MGA: variants seen among roughly 807,000 people sequenced by gnomAD.
MGA encodes the protein MAX dimerization protein MGA.
In MGA, 40 loss-of-function variants were observed where a neutral mutation model predicts 261.1. The ratio of observed to expected loss-of-function variants is 0.15; its 90% CI spans 0.12 to 0.20. The LOEUF is 0.20. Ranked by LOEUF, MGA falls within the 10% of genes least tolerant of loss-of-function variation. The pLI is 1.00. For missense variants in MGA, 3,397 were observed against 3,630.5 expected (o/e 0.94, Z 1.65); for synonymous variants, 1,302 against 1,290.6 (o/e 1.01, Z -0.19).
intron 9 of MGA, among the ~76,000 whole-genome samples, chr15:41,717,416 G>A (rs1234910596): frequency 1.3e-5 from 2 of 152,080 alleles, no homozygotes; most frequent in Non-Finnish European, 2.9e-5. Flanking sequence ...GGAATAAAGA[G>A]AACATACTAA....
At chr15:41,689,403 CCT>C (rs140930235) in intron 2 of MGA, among the ~76,000 whole-genome samples, 1 of 150,454 alleles carries the variant, frequency 6.6e-6, no homozygotes, top group Non-Finnish European at 1.5e-5. Flanking sequence ...TTTCTCTCTC[CCT>C]CTCTTTCTCC....
At chr15:41,703,043 T>C (rs1417654798) in intron 5 of MGA, among the ~76,000 whole-genome samples, 1 of 152,220 alleles carries the variant, frequency 6.6e-6, no homozygotes, top group Non-Finnish European at 1.5e-5. Flanking sequence ...AGTACTGATA[T>C]ATTACTATTT....
At chr15:41,651,687 CCTCTCTTACCCCTTCCCCT>C (rs1458121262) in intron 1 of MGA, among the ~76,000 whole-genome samples, 27 of 12,556 alleles carry the variant, frequency 2.2e-3, no homozygotes, top group Admixed American at 3.2e-3. Flanking sequence ...CCCCCTTTCC[CCTCTCTTACCCCTTCCCCT>C]CTCTTACCCC....
At chr15:41,706,711 G>A (rs932731411) in intron 5 of MGA, among the ~76,000 whole-genome samples, 3 of 151,370 alleles carry the variant, frequency 2.0e-5, no homozygotes, top group African/African-American at 7.3e-5. Flanking sequence ...CTCCTGAGTA[G>A]CTACAGGCAC....
In MGA at chr15:41,662,229, A is replaced by G. The variant is rs142691437; in HGVS notation, c.-68+1704A>G. On this transcript the variant is annotated intron_variant, in intron 1 of 23. Coordinates refer to ENST00000219905, the MANE Select transcript of MGA (RefSeq NM_001164273.2). ...TTCAGTGCCCTGGGTACCTTGGCATACTTACTTCAAGTTTGACTACTGCCA... is the reference window on the plus strand; with the variant it reads ...TTCAGTGCCCTGGGTACCTTGGCATGCTTACTTCAAGTTTGACTACTGCCA... 7.9e-4 allele frequency among the ~76,000 whole-genome samples: 121 copies of G among 152,262 alleles called. 1 individual carries two copies. Among genetic ancestry groups the G allele is most frequent in the African/African-American group, 2.8e-3 (115 of 41,538 alleles).
chr15:41,674,521 A>AT (rs2058267725), intron 2 of MGA, among the ~76,000 whole-genome samples: 2 of 149,686 alleles, frequency 1.3e-5, no homozygotes, highest in South Asian at 4.3e-4. Context: ...TCTTATTTTT[A>AT]TTTTTATTTT....
At chr15:41,734,441 G>A (rs921073695) in intron 11 of MGA, 81 bp from the exon 12 acceptor site, 76 of 1,083,342 alleles carry the variant, frequency 7.0e-5, no homozygotes, top group Non-Finnish European at 9.9e-5. Context: ...TTCTGTGAGA[G>A]ATTTAATGCT....
chr15:41,667,553 A>C (rs2057820659), intron 1 of MGA, among the ~76,000 whole-genome samples: 3 of 151,724 alleles, frequency 2.0e-5, no homozygotes, highest in Non-Finnish European at 4.4e-5. Flanking sequence ...CGCCGCTATT[A>C]TTTTTTAATA....
intron 16 of MGA, 24 bp downstream of exon 16, chr15:41,748,951 T>G: frequency 6.2e-7 from 1 of 1,605,160 alleles, no homozygotes; most frequent in Non-Finnish European, 8.5e-7. Flanking sequence ...TTTTATGAAC[T>G]TTTCTTTTGT....
chr15:41,755,264 A>C (rs1412633762), intron 18 of MGA, among the ~76,000 whole-genome samples: 2 of 152,234 alleles, frequency 1.3e-5, no homozygotes, highest in Non-Finnish European at 2.9e-5. Flanking sequence ...ATGATATGAA[A>C]GTAGCTATGA....
Position 41,767,337 on chromosome 15 carries a change from T to C in MGA, c.*57T>C, listed in dbSNP as rs892978859. 63 of 1,507,652 alleles carry C rather than the reference T, an allele frequency of 4.2e-5. No individual in the cohort carries two copies. Among genetic ancestry groups the C allele is most frequent in the Admixed American group, 3.5e-4 (18 of 51,916 alleles). The allele number at this position is 1,507,652 out of a possible 1,614,324, so 93.4% of individuals were successfully genotyped here. A position where few individuals can be genotyped will look rare whatever the true frequency, so the allele number is the denominator to read the frequency against. On this transcript the variant is annotated 3_prime_UTR_variant, in exon 24 of 24. Transcript: ENST00000219905. Reference sequence around the variant, plus strand: ...TGAGGGGAAATAGATCTCACCTCCTTTCTCTGCAGGCATCTGTTTGTTTGT... The same window carrying C: ...TGAGGGGAAATAGATCTCACCTCCTCTCTCTGCAGGCATCTGTTTGTTTGT...
At position 41,754,469 on chromosome 15, in the gene MGA, G is replaced by T. The variant is rs927420162; in HGVS notation, c.7041G>T (p.Glu2347Asp). 4.5e-6 allele frequency: 7 copies of T among 1,557,614 alleles called. No individual in the cohort carries two copies. The Admixed American group carries it at 1.4e-4, about 31-fold the overall frequency. Residue 2347 changes from glutamate (E) to aspartate (D), a missense_variant, in exon 18 of 24, where the codon GAG (glutamate) becomes GAT (aspartate). This residue lies in a region of MGA where 1,410 missense variants were observed against 1,386.4 expected (regional missense o/e 1.02). Transcript: ENST00000219905. ...GTGTAGAATACATTGAGGATGATGA[G>T]GAGCACGTGGACATTGAGACTGTAG...
At chr15:41,682,897 A>G (rs1056651473) in intron 2 of MGA, among the ~76,000 whole-genome samples, 5 of 152,366 alleles carry the variant, frequency 3.3e-5, no homozygotes, top group Admixed American at 2.0e-4. Context: ...TGTAGAACAT[A>G]GAATTTTAAG....
chr15:41,654,363 G>GA (rs2057124550), intron 1 of MGA, among the ~76,000 whole-genome samples: 1 of 152,108 alleles, frequency 6.6e-6, no homozygotes, highest in Admixed American at 6.6e-5. Context: ...TTTTTAATCT[G>GA]AAAATGATCT....
In MGA at chr15:41,696,328, C is replaced by T; in HGVS notation, c.1318C>T (p.His440Tyr). Residue 440 changes from histidine (H) to tyrosine (Y), a missense_variant, in exon 3 of 24, where the codon CAT becomes TAT. By Grantham distance (83) the His-to-Tyr change is moderately conservative. Around this residue, in one of 9 missense-constraint regions of MGA, gnomAD observed 563 missense variants for 563.6 expected, o/e 1.00. Transcript: ENST00000219905. Reference sequence around the variant, plus strand: ...TAAAGTTGACAACCCAGAAGCTGACCATCTATCTTCTAAATGGCTTCCAAG... The same window carrying T: ...TAAAGTTGACAACCCAGAAGCTGACTATCTATCTTCTAAATGGCTTCCAAG... 1 of 1,613,870 alleles carries T rather than the reference C, an allele frequency of 6.2e-7. No homozygotes were observed. Among genetic ancestry groups the T allele is most frequent in the Non-Finnish European group, 8.5e-7 (1 of 1,179,868 alleles).
intron 2 of MGA, among the ~76,000 whole-genome samples, chr15:41,686,371 T>TA (rs986221415): frequency 2.0e-5 from 3 of 151,938 alleles, no homozygotes; most frequent in African/African-American, 7.2e-5. Context: ...TATAAAAACT[T>TA]AAAAAAATAA....
intron 15 of MGA, among the ~76,000 whole-genome samples, chr15:41,746,009 A>G (rs1249788721): frequency 2.6e-5 from 4 of 152,192 alleles, no homozygotes; most frequent in African/African-American, 7.2e-5. Flanking sequence ...TTCTCTATTT[A>G]TAAAGAGGAT....
intron 9 of MGA, among the ~76,000 whole-genome samples, chr15:41,726,857 ATAT>A (rs1201735146): frequency 5.3e-5 from 8 of 151,992 alleles, no homozygotes; most frequent in Non-Finnish European, 1.0e-4. Context: ...CCATTACTTG[ATAT>A]TATATATTTA....
intron 2 of MGA, among the ~76,000 whole-genome samples, chr15:41,694,972 TA>T (rs913994709): frequency 3.3e-5 from 5 of 151,306 alleles, no homozygotes; most frequent in African/African-American, 1.2e-4. Context: ...TTGAACTATT[TA>T]AAAAAAAATG....
Sources: gnomAD v4.1 joint callset for allele counts (sites outside exome capture counted in the v4.1 genomes callset) on GRCh38, gnomAD v4.1.1 for gene constraint, gnomAD v4.1.1 regional missense constraint, MANE v1.5 for transcripts, NCBI Gene and HGNC (gene_info 2026-07-23, HGNC 2026-07-21) for gene names.